The following ZMAT4 variants were observed in gnomAD, a reference collection of about 807,000 sequenced individuals.
ZMAT4 encodes the protein zinc finger matrin-type 4, also known as zinc finger matrin-type protein 4.
A neutral mutation model predicts 28.7 loss-of-function variants in ZMAT4; 17 were observed. That is an observed-to-expected ratio of 0.59 (90% CI 0.41 to 0.89). The LOEUF is 0.89. Among genes scored for constraint, ZMAT4 ranks in the 40% least tolerant of loss-of-function variants. The pLI is 0.00. For missense variants in ZMAT4, 240 were observed against 283.8 expected (o/e 0.85, Z 1.11); for synonymous variants, 117 against 109.2 (o/e 1.07, Z -0.44).
At chr8:40,838,830 A>G (rs1816595337) in intron 1 of ZMAT4, among the ~76,000 whole-genome samples, 1 of 152,172 alleles carries the variant, frequency 6.6e-6, no homozygotes, top group Non-Finnish European at 1.5e-5. Context: ...GGCCAAAATA[A>G]AGGGGCGGGA....
At chr8:40,766,387 T>G (rs1813161148) in intron 3 of ZMAT4, among the ~76,000 whole-genome samples, 1 of 152,232 alleles carries the variant, frequency 6.6e-6, no homozygotes, top group East Asian at 1.9e-4. Context: ...CCACTTCATT[T>G]AATGTTCACC....
At chr8:40,753,387 A>G (rs1458352625) in intron 3 of ZMAT4, among the ~76,000 whole-genome samples, 2 of 152,180 alleles carry the variant, frequency 1.3e-5, no homozygotes, top group Non-Finnish European at 2.9e-5. Flanking sequence ...TTAGTTAATC[A>G]CTAATCAACT....
intron 3 of ZMAT4, among the ~76,000 whole-genome samples, chr8:40,721,005 T>G (rs1297961636): frequency 6.6e-6 from 1 of 151,824 alleles, no homozygotes. Context: ...TACTTTAAGT[T>G]TTAGGGTACA....
intron 3 of ZMAT4, among the ~76,000 whole-genome samples, chr8:40,710,504 A>T (rs1810561230): frequency 6.6e-6 from 1 of 152,150 alleles, no homozygotes; most frequent in South Asian, 2.1e-4. Flanking sequence ...CTTAATTCTA[A>T]CCAGTGAAGA....
At position 40,674,139 on chromosome 8, in the gene ZMAT4, G is replaced by A. The variant is rs11780223; in HGVS notation, c.577+565C>T. 6.8e-4 allele frequency among the ~76,000 whole-genome samples: 95 copies of A among 139,312 alleles called. 3 individuals carry two copies. In the South Asian group the frequency reaches 0.021, roughly 31 times the overall value. 91.4% of individuals were successfully genotyped at this position (139,312 alleles called of 152,430 possible). ...AGACAGAGTCTCACTCTGTTGCCCA[G>A]GCTGGAGTGCAATGGCAAAATCTCG... On this transcript the variant is annotated intron_variant, in intron 5 of 6. Coordinates refer to ENST00000297737, the MANE Select transcript of ZMAT4 (RefSeq NM_024645.3).
intron 6 of ZMAT4, among the ~76,000 whole-genome samples, chr8:40,547,963 C>T (rs1430040932): frequency 6.6e-6 from 1 of 152,076 alleles, no homozygotes; most frequent in Non-Finnish European, 1.5e-5. Flanking sequence ...TGATCTGGGA[C>T]GGCCTCACTG....
chr8:40,797,866 C>G (rs1379050726), intron 2 of ZMAT4, among the ~76,000 whole-genome samples: 2 of 152,162 alleles, frequency 1.3e-5, no homozygotes, highest in Admixed American at 1.3e-4. Context: ...GGACAGGCAG[C>G]CTTTGGATAT....
intron 2 of ZMAT4, among the ~76,000 whole-genome samples, chr8:40,781,606 C>T (rs1357039979): frequency 1.3e-5 from 2 of 149,282 alleles, no homozygotes; most frequent in Non-Finnish European, 1.5e-5. Flanking sequence ...ACTAAAAATA[C>T]AAAAAATTAG....
intron 5 of ZMAT4, among the ~76,000 whole-genome samples, chr8:40,651,123 G>C (rs1245005864): frequency 1.3e-5 from 2 of 152,106 alleles, no homozygotes; most frequent in African/African-American, 4.8e-5. Context: ...GTTAGGAAAA[G>C]AGGAAGTCAA....
chr8:40,837,555 T>C (rs1007985616), intron 1 of ZMAT4, among the ~76,000 whole-genome samples: 4 of 152,196 alleles, frequency 2.6e-5, no homozygotes, highest in East Asian at 1.9e-4. Flanking sequence ...AAACCTCTTA[T>C]GTGCTTTGTA....
At chr8:40,628,566 T>C (rs1221350790) in intron 5 of ZMAT4, among the ~76,000 whole-genome samples, 1 of 152,148 alleles carries the variant, frequency 6.6e-6, no homozygotes, top group East Asian at 1.9e-4. Context: ...ATGGCTATTA[T>C]GGAATTAAGA....
chr8:40,566,161 C>T (rs925509550), intron 6 of ZMAT4, among the ~76,000 whole-genome samples: 7 of 152,128 alleles, frequency 4.6e-5, no homozygotes, highest in African/African-American at 1.7e-4. Context: ...TCCGCCGTGA[C>T]ACACTATCTC....
intron 6 of ZMAT4, among the ~76,000 whole-genome samples, chr8:40,565,033 A>G (rs1172818994): frequency 1.3e-5 from 2 of 152,204 alleles, no homozygotes; most frequent in Admixed American, 1.3e-4. Context: ...CTTAAATGAC[A>G]CTAGAGCAAG....
chr8:40,781,363 A>G (rs1456447321), intron 2 of ZMAT4, among the ~76,000 whole-genome samples: 1 of 152,232 alleles, frequency 6.6e-6, no homozygotes, highest in Non-Finnish European at 1.5e-5. Context: ...ACAAAGTTGG[A>G]GAGCTCACAC....
intron 5 of ZMAT4, among the ~76,000 whole-genome samples, chr8:40,644,744 T>C (rs1158386959): frequency 6.6e-6 from 1 of 152,140 alleles, no homozygotes; most frequent in East Asian, 1.9e-4. Flanking sequence ...GTGACCAAGA[T>C]GATCAACAGC....
At chr8:40,747,413 TG>T (rs1328910053) in intron 3 of ZMAT4, among the ~76,000 whole-genome samples, 1 of 152,156 alleles carries the variant, frequency 6.6e-6, no homozygotes, top group Admixed American at 6.5e-5. Context: ...AAGACTCCAT[TG>T]AAAAGCCATA....
intron 3 of ZMAT4, among the ~76,000 whole-genome samples, chr8:40,754,065 G>A (rs764587477): frequency 2.6e-5 from 4 of 151,922 alleles, no homozygotes; most frequent in Non-Finnish European, 5.9e-5. Flanking sequence ...TCAGCTACTC[G>A]GGAGGCTGAG....
chr8:40,781,528 C>T (rs1586041208), intron 2 of ZMAT4, among the ~76,000 whole-genome samples: 3 of 151,616 alleles, frequency 2.0e-5, no homozygotes, highest in African/African-American at 7.3e-5. Context: ...TTTGGGAGGC[C>T]GAGGCGGGCG....
At chr8:40,645,486 A>G (rs1374837168) in intron 5 of ZMAT4, among the ~76,000 whole-genome samples, 2 of 152,314 alleles carry the variant, frequency 1.3e-5, no homozygotes, top group African/African-American at 4.8e-5. Flanking sequence ...GGTCCATTGC[A>G]GTGATGGTCT....
Sources: allele counts gnomAD v4.1 joint callset (sites outside exome capture counted in the v4.1 genomes callset), GRCh38; gene constraint gnomAD v4.1.1; transcripts MANE v1.5; gene names NCBI Gene and HGNC (gene_info 2026-07-23, HGNC 2026-07-21).